CDC14A: variants seen among roughly 807,000 people sequenced by gnomAD.
CDC14A encodes the protein cell division cycle 14A.
CDC14A carries 53 observed loss-of-function variants against 74.4 expected under a neutral mutation model. The observed-to-expected ratio is 0.71, with a 90% confidence interval of 0.57 to 0.89. The LOEUF (loss-of-function observed/expected upper bound fraction) is 0.89, where lower values mean the gene tolerates loss of function less well. Ranked by LOEUF, CDC14A falls within the 40% of genes least tolerant of loss-of-function variation. CDC14A has a pLI of 0.00. For missense variants in CDC14A, 646 were observed against 713.7 expected, an observed-to-expected ratio of 0.91 and a Z score of 1.08; for synonymous variants, 247 against 258.4, an observed-to-expected ratio of 0.96 and a Z score of 0.43.
intron 15 of CDC14A, among the ~76,000 whole-genome samples, chr1:100,503,906 G>T (rs772225245): frequency 2.6e-5 from 4 of 152,174 alleles, no homozygotes; most frequent in African/African-American, 9.7e-5. Flanking sequence ...TGGATTACTA[G>T]TCATCTACAT....
rs1650500044 is a variant in CDC14A, at chr1:100,519,302, G to T, written c.*1022G>T. ...ATTAAAGGAGATATTTTTAAAACAG[G>T]GTACAACCCCCTGCTGCACACGCTA... On this transcript the variant is annotated 3_prime_UTR_variant, in exon 16 of 16. Coordinates refer to ENST00000336454, the MANE Select transcript of CDC14A (RefSeq NM_003672.4). 6.6e-6 allele frequency: 1 copy of T among 151,954 alleles called. No individual in the cohort carries two copies. Among genetic ancestry groups the T allele is most frequent in the South Asian group, 2.1e-4 (1 of 4,818 alleles). 9.4% of individuals were successfully genotyped at this position (151,954 alleles called of 1,614,324 possible).
In CDC14A at chr1:100,509,726, G is replaced by A. The variant is rs1214097333; in HGVS notation, c.1756-8525G>A. Among the ~76,000 whole-genome samples the A allele has an allele frequency of 3.9e-5, 6 of 152,202 alleles. No individual in the cohort carries two copies. In the South Asian group the frequency reaches 1.2e-3, roughly 31 times the overall value. On this transcript the variant is annotated intron_variant, in intron 15 of 15. Transcript: ENST00000336454. ...GTAACAGAAACCTTTGGTAAATGAC[G>A]CAGGCTCTCCTTGATAGTGAATGTC...
chr1:100,440,810 A>C (rs1467954554), intron 6 of CDC14A, among the ~76,000 whole-genome samples: 1 of 152,186 alleles, frequency 6.6e-6, no homozygotes, highest in African/African-American at 2.4e-5. Flanking sequence ...AATTGGTGTG[A>C]TAAATGTGCT....
At chr1:100,501,556 T>C (rs1648732824) in intron 15 of CDC14A, among the ~76,000 whole-genome samples, 3 of 152,214 alleles carry the variant, frequency 2.0e-5, no homozygotes, top group African/African-American at 7.2e-5. Context: ...AGCAATACAA[T>C]TATGTACAGT....
chr1:100,422,326 G>C (rs1662465420), intron 4 of CDC14A, among the ~76,000 whole-genome samples: 1 of 152,130 alleles, frequency 6.6e-6, no homozygotes, highest in Non-Finnish European at 1.5e-5. Context: ...TCCTGGGGAG[G>C]AAAATGCATT....
intron 4 of CDC14A, among the ~76,000 whole-genome samples, chr1:100,411,160 T>G (rs1325314893): frequency 6.6e-6 from 1 of 152,204 alleles, no homozygotes; most frequent in Non-Finnish European, 1.5e-5. Context: ...GAGGCAGAAC[T>G]GACAGGCCCA....
chr1:100,370,487 A>G (rs1369324553), intron 2 of CDC14A, among the ~76,000 whole-genome samples: 2 of 152,146 alleles, frequency 1.3e-5, no homozygotes, highest in African/African-American at 4.8e-5. Flanking sequence ...TAATTTTTGT[A>G]TACGGTGATA....
At chr1:100,465,164 T>G (rs1375708538) in intron 9 of CDC14A, among the ~76,000 whole-genome samples, 1 of 152,092 alleles carries the variant, frequency 6.6e-6, no homozygotes, top group Non-Finnish European at 1.5e-5. Flanking sequence ...CTCAGGAGAA[T>G]GTTGGCCAGG....
intron 9 of CDC14A, among the ~76,000 whole-genome samples, chr1:100,465,971 T>C (rs1204838819): frequency 5.9e-5 from 9 of 152,216 alleles, no homozygotes; most frequent in Non-Finnish European, 1.3e-4. Context: ...AAAGTTTTTA[T>C]AGAAACTTAG....
At chr1:100,450,207 T>G (rs1366587869) in intron 7 of CDC14A, among the ~76,000 whole-genome samples, 1 of 152,228 alleles carries the variant, frequency 6.6e-6, no homozygotes, top group Non-Finnish European at 1.5e-5. Context: ...CAATTGCTCT[T>G]TAGCACCTAC....
intron 4 of CDC14A, among the ~76,000 whole-genome samples, chr1:100,412,738 T>TAAAATATATATATA (rs1491428571): frequency 7.2e-5 from 7 of 97,412 alleles, no homozygotes; most frequent in African/African-American, 3.4e-4. Flanking sequence ...TATATATATA[T>TAAAATATATATATA]TTTATATATA....
chr1:100,517,183 G>C (rs1283310463), intron 15 of CDC14A, among the ~76,000 whole-genome samples: 1 of 152,212 alleles, frequency 6.6e-6, no homozygotes, highest in Non-Finnish European at 1.5e-5. Flanking sequence ...ATTCACTGCA[G>C]TTTTGAAGCT....
chr1:100,504,927 A>C, intron 15 of CDC14A: 1 of 1,531,238 alleles, frequency 6.5e-7, no homozygotes, highest in Non-Finnish European at 8.8e-7. Flanking sequence ...TCTTCTGTGA[A>C]GCTCTCCCCA....
intron 11 of CDC14A, among the ~76,000 whole-genome samples, chr1:100,489,438 C>A (rs2101387342): frequency 6.6e-6 from 1 of 152,270 alleles, no homozygotes; most frequent in Admixed American, 6.5e-5. Context: ...GCTTACTGTG[C>A]CACGATTTTG....
chr1:100,443,179 T>C, intron 7 of CDC14A, 183 bp downstream of exon 7: 1 of 519,368 alleles, frequency 1.9e-6, no homozygotes, highest in South Asian at 2.8e-5. Context: ...CACCAAAATT[T>C]TATTTTGGAA....
intron 9 of CDC14A, among the ~76,000 whole-genome samples, chr1:100,466,960 CT>C (rs544581327): frequency 4.9e-4 from 69 of 139,880 alleles, no homozygotes; most frequent in Admixed American, 7.1e-4. Context: ...GGATGAAAAA[CT>C]TTTTTTTTTT....
chr1:100,352,928 C>T lies in CDC14A; in HGVS notation c.-27C>T, dbSNP rs563406406. The T allele has an allele frequency of 2.5e-6, 4 of 1,613,536 alleles. No homozygotes were observed. The East Asian group carries it at 8.9e-5, about 36-fold the overall frequency. The stretch of plus-strand genomic sequence containing the variant: ...GTGACTTCAGCTGGCCACGACCCAG[C>T]CCTCCCCCGTGCGTATCTCGCTTAA... On this transcript the variant is annotated 5_prime_UTR_variant, in exon 1 of 16. Coordinates refer to ENST00000336454, the MANE Select transcript of CDC14A (RefSeq NM_003672.4).
chr1:100,366,637 C>G (rs1653669559), intron 2 of CDC14A, among the ~76,000 whole-genome samples: 1 of 152,214 alleles, frequency 6.6e-6, no homozygotes, highest in South Asian at 2.1e-4. Context: ...AATGTTTGCT[C>G]TGATCCTTGG....
chr1:100,507,895 G>T (rs1363415307), intron 15 of CDC14A, among the ~76,000 whole-genome samples: 3 of 151,954 alleles, frequency 2.0e-5, no homozygotes. Flanking sequence ...GGCCAGGATG[G>T]TCTCAAACTC....
Sources: gnomAD v4.1 joint callset for allele counts (sites outside exome capture counted in the v4.1 genomes callset) on GRCh38, gnomAD v4.1.1 for gene constraint, MANE v1.5 for transcripts, NCBI Gene and HGNC (gene_info 2026-07-23, HGNC 2026-07-21) for gene names.